Variants in TTN observed in about 807,000 individuals in gnomAD.
The protein encoded by TTN is connectin.
A neutral mutation model predicts 3,223.0 loss-of-function variants in TTN; 1,525 were observed. That is an observed-to-expected ratio of 0.47 (90% confidence interval 0.45 to 0.49). TTN has a LOEUF of 0.49. Among genes scored for constraint, TTN ranks in the 20% least tolerant of loss-of-function variants. The probability of loss-of-function intolerance (pLI) is 0.00; values close to 1 mark genes in which losing one functional copy is unlikely to be tolerated. For missense variants in TTN, 40,786 were observed against 43,424.0 expected, an observed-to-expected ratio of 0.94 and a Z score of 5.40; for synonymous variants, 14,094 against 15,161.0, an observed-to-expected ratio of 0.93 and a Z score of 5.17.
At position 178,534,246 on chromosome 2, in the gene TTN, C is replaced by G; in HGVS notation, c.102369G>C (p.Val34123=). The G allele has an allele frequency of 6.2e-7, 1 of 1,613,986 alleles. No individual in the cohort carries two copies. Among genetic ancestry groups the G allele is most frequent in the African/African-American group, 1.3e-5 (1 of 75,046 alleles). ...ATGCCACTTTAACTTTAGCAACACT[C>G]ACTCCCTTCTGAGATCGAATTGCAC... ...CGGAIRSQKG[V]SVAKVKVASI... Residue 34123 remains valine (V), a synonymous_variant, in exon 358 of 363, where the codon GTG becomes GTC. Transcript: ENST00000589042.
Position 178,684,938 on chromosome 2 carries a change from A to C in TTN, c.32522T>G (p.Val10841Gly). 1 of 1,609,480 alleles carries C rather than the reference A, an allele frequency of 6.2e-7. No homozygotes were observed. Among genetic ancestry groups the C allele is most frequent in the Non-Finnish European group, 8.5e-7 (1 of 1,177,636 alleles). The change falls in exon 130 of 363, where the codon GTT (valine) becomes GGT (glycine). Residue 10841 changes from valine to glycine, a missense_variant. Physicochemically the swap from Val to Gly is moderately radical, Grantham distance 109. Transcript: ENST00000589042. ...TGGGGGCACCTTTTCCTTTTTAGGA[A>C]CTGGAGCAGGAACTTTCTTTTCTGG... is the stretch of plus-strand genomic sequence containing the variant. Reference protein sequence around the residue: ...IVPEKKVPAPVPKKEKVPPPK... With the variant: ...IVPEKKVPAPGPKKEKVPPPK...
Position 178,616,881 on chromosome 2 carries a change from A to G in TTN, c.48008T>C (p.Leu16003Pro). 4 of 1,612,700 alleles carry G rather than the reference A, an allele frequency of 2.5e-6. No homozygotes were observed. Among genetic ancestry groups the G allele is most frequent in the Non-Finnish European group, 3.4e-6 (4 of 1,179,178 alleles). ...CATTTTCACCCGGTCCCCTGTTTCT[A>G]GTACTTTATCTCCAAAACACCAGGT... is the stretch of plus-strand genomic sequence containing the variant. Reference protein sequence around the residue: ...TATWCFGDKVLETGDRVKMKT... With the variant: ...TATWCFGDKVPETGDRVKMKT... The change falls in exon 256 of 363, where the codon CTA (leucine) becomes CCA (proline). Residue 16003 changes from leucine to proline, a missense_variant. Physicochemically the swap from Leu to Pro is moderately conservative, Grantham distance 98. Transcript: ENST00000589042.
At chr2:178,685,637 G>GTTTTTCATGTTTATTTTTT in intron 127 of TTN, 39 bp from the exon 128 acceptor site, 1 of 1,577,804 alleles carries the variant, frequency 6.3e-7, no homozygotes, top group Non-Finnish European at 8.7e-7. Flanking sequence ...AAATTACAGT[G>GTTTTTCATGTTTATTTTTT]TTTTTCATGT....
At chr2:178,795,807 C>T (rs2093740034) in intron 6 of TTN, among the ~76,000 whole-genome samples, 1 of 152,126 alleles carries the variant, frequency 6.6e-6, no homozygotes, top group African/African-American at 2.4e-5. Context: ...GGGACACATC[C>T]TCAGGAAGCT....
Position 178,532,508 on chromosome 2 carries a change from A to C in TTN, c.104107T>G (p.Phe34703Val). 6.2e-7 allele frequency: 1 copy of C among 1,613,958 alleles called. No homozygotes were observed. Among genetic ancestry groups the C allele is most frequent in the African/African-American group, 1.3e-5 (1 of 75,026 alleles). ...GAGTAACGTAGGCTAGAAAGCTCAA[A>C]GTGTGGAGGGCTTCGACTTGGGGGT... is the stretch of plus-strand genomic sequence containing the variant. ...ASPPSRSPPH[F>V]ELSSLRYSSP... The change falls in exon 358 of 363, where the codon TTT (phenylalanine) becomes GTT (valine). Residue 34703 changes from phenylalanine (F) to valine (V), a missense_variant. By Grantham distance (50) the Phe-to-Val change is conservative. Transcript: ENST00000589042.
rs1471384765 is a variant in TTN, at chr2:178,718,726, A to C, written c.24474T>G (p.Ser8158Arg). The C allele has an allele frequency of 1.2e-6, 2 of 1,613,820 alleles. No individual in the cohort carries two copies. Among genetic ancestry groups the C allele is most frequent in the Non-Finnish European group, 8.5e-7 (1 of 1,179,758 alleles). Reference protein sequence around the residue: ...YSCLVTNDAGSASCTTHLFVK... With the variant: ...YSCLVTNDAGRASCTTHLFVK... ...CAAAAAGATGTGTGGTACAGGAAGC[A>C]CTGCCAGCATCATTTGTAACGAGGC... is the stretch of plus-strand genomic sequence containing the variant. Residue 8158 changes from serine to arginine, a missense_variant, in exon 84 of 363, where the codon AGT becomes AGG. Physicochemically the swap from Ser to Arg is moderately radical, Grantham distance 110. Coordinates refer to ENST00000589042, the MANE Select transcript of TTN (RefSeq NM_001267550.2).
At chr2:178,537,993 TG>T in intron 354 of TTN, 76 bp from the exon 355 acceptor site, 1 of 1,272,004 alleles carries the variant, frequency 7.9e-7, no homozygotes, top group Non-Finnish European at 1.1e-6. Flanking sequence ...ATATCAGGAA[TG>T]AATTTACCTT....
intron 240 of TTN, among the ~76,000 whole-genome samples, chr2:178,626,082 G>A (rs2059002239): frequency 6.6e-6 from 1 of 151,966 alleles, no homozygotes; most frequent in African/African-American, 2.4e-5. Flanking sequence ...ACTTAGAAAA[G>A]CGAATTCATG....
Position 178,609,714 on chromosome 2 carries a change from T to G in TTN, c.51709A>C (p.Thr17237Pro). Residue 17237 changes from threonine (T) to proline (P), a missense_variant, in exon 272 of 363, where the codon ACT (threonine) becomes CCT (proline). Coordinates refer to ENST00000589042, the MANE Select transcript of TTN (RefSeq NM_001267550.2). ...AAGISEPSRA[T>P]PPTKAVDPID... ...GGATCTACAGCTTTGGTTGGAGGAG[T>G]AGCCCGAGAAGGTTCACTAATACCC... The G allele has an allele frequency of 1.2e-6, 2 of 1,603,670 alleles. No individual in the cohort carries two copies. The highest frequency in any genetic ancestry group is 1.7e-6 in the Non-Finnish European group (2 of 1,173,240).
chr2:178,794,260 G>T, intron 8 of TTN, 139 bp downstream of exon 8: 1 of 1,302,574 alleles, frequency 7.7e-7, no homozygotes, highest in Non-Finnish European at 1.1e-6. Context: ...AGTTCTAAAA[G>T]TCTGGGCCCT....
chr2:178,774,796 A>C, intron 29 of TTN, 125 bp downstream of exon 29: 2 of 1,127,076 alleles, frequency 1.8e-6, no homozygotes, highest in Non-Finnish European at 2.5e-6. Flanking sequence ...GATTCTGGCT[A>C]TGAAACTTAT....
In TTN at chr2:178,598,627, A is replaced by C. The variant is rs763286782; in HGVS notation, c.56990T>G (p.Val18997Gly). Reference sequence around the variant, plus strand: ...TGCAGATGATTTAGTCCAATCTGTCACTTTGGGAAATGGAGGACCAGGAGG... The same window carrying C: ...TGCAGATGATTTAGTCCAATCTGTCCCTTTGGGAAATGGAGGACCAGGAGG... Reference protein sequence around the residue: ...IAPPGPPFPKVTDWTKSSADL... With the variant: ...IAPPGPPFPKGTDWTKSSADL... The change falls in exon 292 of 363, where the codon GTG becomes GGG. Residue 18997 changes from valine to glycine, a missense_variant. Transcript: ENST00000589042. 10 of 1,604,472 alleles carry C rather than the reference A, an allele frequency of 6.2e-6. No homozygotes were observed. In the African/African-American group the frequency reaches 1.3e-4, roughly 22 times the overall value.
intron 52 of TTN, 87 bp from the exon 53 acceptor site, chr2:178,733,979 A>G (rs1345491351): frequency 3.1e-6 from 4 of 1,283,814 alleles, no homozygotes; most frequent in Non-Finnish European, 3.1e-6. Context: ...TCAAGATTAT[A>G]TTTATCTTGT....
In TTN at chr2:178,642,310, T is replaced by C; in HGVS notation, c.40485A>G (p.Gly13495=). Residue 13495 remains glycine (G), a synonymous_variant, in exon 219 of 363, where the codon GGA becomes GGG. Coordinates refer to ENST00000589042, the MANE Select transcript of TTN (RefSeq NM_001267550.2). ...KVELTPLKVP[G]GEKKVRKLLP... The stretch of plus-strand genomic sequence containing the variant: ...GTAATTTGCGAACTTTCTTTTCACC[T>C]CCAGGCACTTAAAAGAATATGATTT... 1 of 1,586,472 alleles carries C rather than the reference T, an allele frequency of 6.3e-7. No individual in the cohort carries two copies. The highest frequency in any genetic ancestry group is 8.6e-7 in the Non-Finnish European group (1 of 1,165,806).
intron 112 of TTN, among the ~76,000 whole-genome samples, chr2:178,698,319 G>C (rs2154286156): frequency 6.6e-6 from 1 of 152,236 alleles, no homozygotes; most frequent in South Asian, 2.1e-4. Flanking sequence ...TGCACAGAGT[G>C]GTGAATATAG....
Position 178,717,746 on chromosome 2 carries a change from T to C in TTN, c.25128A>G (p.Pro8376=), listed in dbSNP as rs2077710335. The change falls in exon 87 of 363, where the codon CCA becomes CCG. Residue 8376 remains proline (P), a synonymous_variant. Coordinates refer to ENST00000589042, the MANE Select transcript of TTN (RefSeq NM_001267550.2). ...LKDVHETLGF[P]VAFECRINGS... Reference sequence around the variant, plus strand: ...CATTGATGCGGCATTCAAATGCAACTGGGAAGCCTAGAGTCTCATGAACGT... The same window carrying C: ...CATTGATGCGGCATTCAAATGCAACCGGGAAGCCTAGAGTCTCATGAACGT... 1.2e-6 allele frequency: 2 copies of C among 1,613,098 alleles called. No homozygotes were observed. The highest frequency in any genetic ancestry group is 2.2e-5 in the South Asian group (2 of 91,004).
At chr2:178,691,898 C>A in intron 121 of TTN, 118 bp downstream of exon 121, 1 of 754,016 alleles carries the variant, frequency 1.3e-6, no homozygotes, top group Non-Finnish European at 2.0e-6. Flanking sequence ...ACAGTAAAAA[C>A]ACAAGAAGAA....
chr2:178,667,979 T>G (rs552178626), intron 159 of TTN, among the ~76,000 whole-genome samples: 1 of 152,292 alleles, frequency 6.6e-6, no homozygotes, highest in African/African-American at 2.4e-5. Context: ...TTCTTCATTT[T>G]GCCTTAAGAA....
chr2:178,715,222 A>C lies in TTN; in HGVS notation c.25964T>G (p.Leu8655Arg). ...TTCAAGGTGAACATCAGCTCCTTTC[A>C]GTGTCTCTATAGGATGAGGCTTTTT... ...FRKKPHPIET[L>R]KGADVHLECE... is the part of the protein sequence containing the mutation. Residue 8655 changes from leucine (L) to arginine (R), a missense_variant, in exon 90 of 363, where the codon CTG (leucine) becomes CGG (arginine). Leu to Arg is a moderately radical substitution (Grantham distance 102). Transcript: ENST00000589042. The C allele has an allele frequency of 6.2e-7, 1 of 1,613,534 alleles. No homozygotes were observed. The highest frequency in any genetic ancestry group is 8.5e-7 in the Non-Finnish European group (1 of 1,179,642).
Sources: gnomAD v4.1 joint callset for allele counts (sites outside exome capture counted in the v4.1 genomes callset) on GRCh38, gnomAD v4.1.1 for gene constraint, MANE v1.5 for transcripts, NCBI Gene and HGNC (gene_info 2026-07-23, HGNC 2026-07-21) for gene names.